Variants in CDK19 observed in about 807,000 individuals in gnomAD.
The protein encoded by CDK19 is cyclin dependent kinase 19.
CDK19 carries 20 observed loss-of-function variants against 68.3 expected under a neutral mutation model. The observed-to-expected ratio is 0.29, with a 90% confidence interval of 0.21 to 0.43. The LOEUF (loss-of-function observed/expected upper bound fraction) is 0.43, where lower values mean the gene tolerates loss of function less well. CDK19 is among the 20% of genes least tolerant of loss of function. The pLI is 1.00. For synonymous variants in CDK19, 221 were observed against 222.8 expected (o/e 0.99, Z 0.07); for missense variants, 339 against 623.5 (o/e 0.54, Z 4.86).
chr6:110,683,277 G>A (rs1772173718), intron 2 of CDK19, among the ~76,000 whole-genome samples: 3 of 151,326 alleles, frequency 2.0e-5, no homozygotes, highest in Admixed American at 6.6e-5. Context: ...ACCACTATTT[G>A]CAAGAATGTT....
chr6:110,700,014 A>G (rs1192330033), intron 2 of CDK19, among the ~76,000 whole-genome samples: 1 of 152,192 alleles, frequency 6.6e-6, no homozygotes. Flanking sequence ...GCTGCTCCCC[A>G]CTGCTCACAT....
chr6:110,629,600 T>A (rs1296958625), intron 6 of CDK19, among the ~76,000 whole-genome samples: 1 of 152,198 alleles, frequency 6.6e-6, no homozygotes, highest in African/African-American at 2.4e-5. Context: ...GTGATCCACC[T>A]GCCTTGGCCT....
intron 1 of CDK19, among the ~76,000 whole-genome samples, chr6:110,762,888 C>G (rs1779321528): frequency 6.6e-6 from 1 of 152,060 alleles, no homozygotes; most frequent in Non-Finnish European, 1.5e-5. Context: ...TCTTTGTAGC[C>G]AATGTAATAC....
intron 1 of CDK19, among the ~76,000 whole-genome samples, chr6:110,767,979 T>G (rs1779711740): frequency 1.3e-5 from 2 of 151,890 alleles, no homozygotes; most frequent in African/African-American, 4.8e-5. Flanking sequence ...CAAAGAACTC[T>G]TAAAACTCAA....
intron 1 of CDK19, chr6:110,814,040 G>A (rs1035576161): frequency 1.3e-5 from 2 of 153,696 alleles, no homozygotes; most frequent in African/African-American, 2.4e-5. Flanking sequence ...GAAAGGACAG[G>A]TATTCTCAGT....
At chr6:110,726,467 T>C (rs1425461959) in intron 2 of CDK19, among the ~76,000 whole-genome samples, 1 of 152,140 alleles carries the variant, frequency 6.6e-6, no homozygotes, top group East Asian at 1.9e-4. Flanking sequence ...GGGGGGATTA[T>C]TAAGTAATAA....
chr6:110,734,723 A>T (rs1408488177), intron 2 of CDK19, among the ~76,000 whole-genome samples: 1 of 152,082 alleles, frequency 6.6e-6, no homozygotes, highest in East Asian at 1.9e-4. Context: ...TCTCCAGCAC[A>T]CTGTGCTTAA....
chr6:110,686,458 A>C (rs1772494676), intron 2 of CDK19, among the ~76,000 whole-genome samples: 1 of 152,184 alleles, frequency 6.6e-6, no homozygotes, highest in African/African-American at 2.4e-5. Flanking sequence ...TAAAATCCCT[A>C]CTTTATTCTA....
intron 2 of CDK19, among the ~76,000 whole-genome samples, chr6:110,727,887 G>A (rs1776434269): frequency 6.6e-6 from 1 of 151,546 alleles, no homozygotes; most frequent in African/African-American, 2.4e-5. Context: ...AGCTACTCAG[G>A]AAACTGAAGA....
intron 1 of CDK19, among the ~76,000 whole-genome samples, chr6:110,810,387 C>T (rs953420341): frequency 6.6e-6 from 1 of 152,228 alleles, no homozygotes; most frequent in East Asian, 1.9e-4. Flanking sequence ...CAATTTGGAT[C>T]TTGGACTATA....
intron 2 of CDK19, among the ~76,000 whole-genome samples, chr6:110,708,208 C>T (rs1300342864): frequency 6.6e-6 from 1 of 152,140 alleles, no homozygotes; most frequent in East Asian, 1.9e-4. Flanking sequence ...AGTACAGATA[C>T]TTTCCCTCAT....
intron 1 of CDK19, among the ~76,000 whole-genome samples, chr6:110,779,112 T>C (rs1391575049): frequency 1.3e-5 from 2 of 152,176 alleles, no homozygotes; most frequent in Non-Finnish European, 2.9e-5. Flanking sequence ...AAAATACAAA[T>C]CAGAATCGTT....
At chr6:110,729,996 C>A (rs1336513642) in intron 2 of CDK19, among the ~76,000 whole-genome samples, 1 of 152,106 alleles carries the variant, frequency 6.6e-6, no homozygotes, top group African/African-American at 2.4e-5. Context: ...TAATAGATGG[C>A]CCAAGACTAA....
chr6:110,803,764 G>C (rs1038799963), intron 1 of CDK19, among the ~76,000 whole-genome samples: 3 of 152,164 alleles, frequency 2.0e-5, no homozygotes, highest in South Asian at 2.1e-4. Flanking sequence ...CCAGGAGTTC[G>C]AGACCAGTCT....
Position 110,649,180 on chromosome 6 carries a change from G to C in CDK19, c.457-10474C>G, listed in dbSNP as rs117450536. On this transcript the variant is annotated intron_variant, in intron 4 of 12. Coordinates refer to ENST00000368911, the MANE Select transcript of CDK19 (RefSeq NM_015076.5). The stretch of plus-strand genomic sequence containing the variant: ...TCCCATCAGGGATTTTGTTCCTATG[G>C]AACAAATTGATCAGTGGGATAGAGC... Among the ~76,000 whole-genome samples the C allele has an allele frequency of 3.3e-5, 5 of 151,858 alleles. No homozygotes were observed. In the East Asian group the frequency reaches 9.6e-4, roughly 29 times the overall value.
At chr6:110,734,336 T>C (rs1239587187) in intron 2 of CDK19, among the ~76,000 whole-genome samples, 1 of 152,108 alleles carries the variant, frequency 6.6e-6, no homozygotes, top group African/African-American at 2.4e-5. Context: ...ACGGTACCTC[T>C]ATTCTCCACA....
At chr6:110,647,809 T>A (rs945952273) in intron 4 of CDK19, among the ~76,000 whole-genome samples, 1 of 152,140 alleles carries the variant, frequency 6.6e-6, no homozygotes, top group African/African-American at 2.4e-5. Flanking sequence ...ATAATGTTGG[T>A]TGCAAAACCA....
intron 1 of CDK19, among the ~76,000 whole-genome samples, chr6:110,811,415 G>A (rs1448187312): frequency 6.6e-6 from 1 of 152,070 alleles, no homozygotes; most frequent in Non-Finnish European, 1.5e-5. Flanking sequence ...CACCACGCTC[G>A]GCTAATTTTT....
intron 2 of CDK19, among the ~76,000 whole-genome samples, chr6:110,678,003 T>C (rs1430064444): frequency 6.6e-6 from 1 of 152,034 alleles, no homozygotes; most frequent in Non-Finnish European, 1.5e-5. Context: ...TGAGCCACCA[T>C]GCCCAGCTGA....
Sources: allele counts gnomAD v4.1 joint callset (sites outside exome capture counted in the v4.1 genomes callset), GRCh38; gene constraint gnomAD v4.1.1; transcripts MANE v1.5; gene names NCBI Gene and HGNC (gene_info 2026-07-23, HGNC 2026-07-21).